Variants in GRIK4 observed in about 807,000 individuals in gnomAD.
GRIK4 encodes the protein glutamate receptor ionotropic, kainate 4.
GRIK4 carries 40 observed loss-of-function variants against 104.9 expected under a neutral mutation model. That is an observed-to-expected ratio of 0.38 (90% CI 0.30 to 0.50). The LOEUF (loss-of-function observed/expected upper bound fraction) is 0.50. GRIK4 is among the 20% of genes least tolerant of loss of function. The pLI, the probability that GRIK4 is intolerant of heterozygous loss-of-function variation, is 0.93. For missense variants in GRIK4, 1,047 were observed against 1,308.1 expected, an observed-to-expected ratio of 0.80 and a Z score of 3.08; for synonymous variants, 485 against 524.9, an observed-to-expected ratio of 0.92 and a Z score of 1.04.
At chr11:120,596,142 G>C (rs1202456336) in intron 1 of GRIK4, among the ~76,000 whole-genome samples, 1 of 152,192 alleles carries the variant, frequency 6.6e-6, no homozygotes, top group Non-Finnish European at 1.5e-5. Context: ...CACTGTGCCC[G>C]ACCGGGATGG....
At chr11:120,680,384 G>A (rs1327625660) in intron 3 of GRIK4, among the ~76,000 whole-genome samples, 1 of 152,078 alleles carries the variant, frequency 6.6e-6, no homozygotes, top group Admixed American at 6.5e-5. Context: ...TGCCTGGCCC[G>A]ATGGCCTTTT....
At chr11:120,931,179 G>A (rs1416530962) in intron 13 of GRIK4, among the ~76,000 whole-genome samples, 1 of 152,186 alleles carries the variant, frequency 6.6e-6, no homozygotes, top group Non-Finnish European at 1.5e-5. Flanking sequence ...ACCCAGTTTG[G>A]CTTGGTGCCA....
intron 6 of GRIK4, among the ~76,000 whole-genome samples, chr11:120,828,603 C>T (rs1341554931): frequency 6.6e-6 from 1 of 152,188 alleles, no homozygotes; most frequent in Non-Finnish European, 1.5e-5. Context: ...CCTGGCATTG[C>T]TGGGGTTGGC....
At chr11:120,570,582 G>A (rs1206338031) in intron 1 of GRIK4, among the ~76,000 whole-genome samples, 1 of 152,044 alleles carries the variant, frequency 6.6e-6, no homozygotes, top group African/African-American at 2.4e-5. Flanking sequence ...TCAGCCTCCC[G>A]AGTAGCTGGG....
chr11:120,684,004 T>G (rs536241657), intron 3 of GRIK4, among the ~76,000 whole-genome samples: 4 of 152,304 alleles, frequency 2.6e-5, no homozygotes, highest in Admixed American at 1.3e-4. Context: ...CTGGCAAGAC[T>G]TTTTTTGTTT....
intron 3 of GRIK4, among the ~76,000 whole-genome samples, chr11:120,678,797 T>G (rs1950144468): frequency 6.6e-6 from 1 of 151,644 alleles, no homozygotes; most frequent in African/African-American, 2.4e-5. Flanking sequence ...CCACACCTGG[T>G]TAATTTTTTG....
intron 3 of GRIK4, among the ~76,000 whole-genome samples, chr11:120,680,612 C>A (rs907074658): frequency 3.9e-5 from 6 of 152,122 alleles, no homozygotes; most frequent in African/African-American, 7.2e-5. Flanking sequence ...ATGACTCATT[C>A]TTATCCTGGG....
chr11:120,717,496 C>T (rs1385940529), intron 3 of GRIK4, among the ~76,000 whole-genome samples: 1 of 151,878 alleles, frequency 6.6e-6, no homozygotes, highest in African/African-American at 2.4e-5. Context: ...CCTGCCAACA[C>T]ACATGTCCCA....
At chr11:120,683,886 G>T (rs1249240358) in intron 3 of GRIK4, among the ~76,000 whole-genome samples, 2 of 152,236 alleles carry the variant, frequency 1.3e-5, no homozygotes, top group Non-Finnish European at 1.5e-5. Flanking sequence ...ACAAGCTCTG[G>T]AGTACCCGTT....
At chr11:120,545,575 A>C (rs1948078245) in intron 1 of GRIK4, among the ~76,000 whole-genome samples, 1 of 152,220 alleles carries the variant, frequency 6.6e-6, no homozygotes, top group Admixed American at 6.5e-5. Flanking sequence ...AGGGACGTTA[A>C]GTAACTTGGC....
chr11:120,826,192 AAG>A (rs1313442521), intron 6 of GRIK4, among the ~76,000 whole-genome samples: 4 of 152,316 alleles, frequency 2.6e-5, no homozygotes, highest in Non-Finnish European at 5.9e-5. Flanking sequence ...TGCAGAAGAA[AAG>A]AGAGATTATC....
rs991462148 is a variant in GRIK4, at chr11:120,577,793, G to A, written c.-159+65906G>A. Among the ~76,000 whole-genome samples, 5 of 152,158 alleles carry A rather than the reference G, an allele frequency of 3.3e-5. No individual in the cohort carries two copies. The South Asian group carries it at 8.3e-4, about 25-fold the overall frequency. ...CTGGACAGAGCCCTTCCCTGCTGGC[G>A]GCAGGGGCAGGTGGGTGTTTAGCTG... On this transcript the variant is annotated intron_variant, in intron 1 of 20. Coordinates refer to ENST00000527524, the MANE Select transcript of GRIK4 (RefSeq NM_014619.5).
intron 13 of GRIK4, among the ~76,000 whole-genome samples, chr11:120,909,289 G>A (rs1032093845): frequency 6.6e-6 from 1 of 152,200 alleles, no homozygotes; most frequent in Non-Finnish European, 1.5e-5. Context: ...ATGAGCTTTG[G>A]CCCCAGGAGT....
chr11:120,691,807 C>T (rs1286188099), intron 3 of GRIK4, among the ~76,000 whole-genome samples: 2 of 152,208 alleles, frequency 1.3e-5, no homozygotes, highest in African/African-American at 2.4e-5. Context: ...CAGTGGGGCT[C>T]ATGTGCCTGC....
chr11:120,603,188 G>T (rs1948910462), intron 1 of GRIK4, among the ~76,000 whole-genome samples: 1 of 152,232 alleles, frequency 6.6e-6, no homozygotes, highest in Non-Finnish European at 1.5e-5. Flanking sequence ...GTTTGGCTTG[G>T]CAATGACTTT....
chr11:120,967,238 G>T lies in GRIK4; in HGVS notation c.2310G>T (p.Leu770=). ...AGTTTGATCTGGCCATTCTCCAGCT[G>T]CAGGAGAACAACCGCCTGGAGATCC... is the stretch of plus-strand genomic sequence containing the variant. The part of the protein sequence containing the change: ...RDEFDLAILQ[L]QENNRLEILK... Residue 770 remains leucine, a synonymous_variant, in exon 19 of 21, where the codon CTG becomes CTT. Transcript: ENST00000527524. This position sits in a 1 kb window ranked among gnomAD's most constrained non-coding sequence, Gnocchi z 4.2. 1 of 1,613,888 alleles carries T rather than the reference G, an allele frequency of 6.2e-7. No homozygotes were observed. Among genetic ancestry groups the T allele is most frequent in the Non-Finnish European group, 8.5e-7 (1 of 1,179,854 alleles).
chr11:120,521,185 A>T (rs887794574), intron 1 of GRIK4, among the ~76,000 whole-genome samples: 1 of 152,078 alleles, frequency 6.6e-6, no homozygotes, highest in African/African-American at 2.4e-5. Flanking sequence ...TCCTGGGTTC[A>T]ACTGATCCTC....
At chr11:120,590,891 A>AG (rs1033320501) in intron 1 of GRIK4, among the ~76,000 whole-genome samples, 3 of 152,112 alleles carry the variant, frequency 2.0e-5, no homozygotes, top group African/African-American at 7.2e-5. Context: ...GAAGCTGTTG[A>AG]GGGTTAAGGG....
At chr11:120,816,021 C>G (rs148403090) in intron 5 of GRIK4, among the ~76,000 whole-genome samples, 1 of 152,328 alleles carries the variant, frequency 6.6e-6, no homozygotes, top group African/African-American at 2.4e-5. Context: ...TTTGCTTCTT[C>G]AAGCAGCACA....
Sources: allele counts gnomAD v4.1 joint callset (sites outside exome capture counted in the v4.1 genomes callset), GRCh38; gene constraint gnomAD v4.1.1; non-coding constraint Gnocchi (gnomAD v3.1); transcripts MANE v1.5; gene names NCBI Gene and HGNC (gene_info 2026-07-23, HGNC 2026-07-21).